The following NTM variants were observed in gnomAD, a reference collection of about 807,000 sequenced individuals.
NTM encodes the protein neurotrimin.
NTM carries 13 observed loss-of-function variants against 42.1 expected under a neutral mutation model. The ratio of observed to expected loss-of-function variants is 0.31; its 90% CI spans 0.20 to 0.49. The LOEUF is 0.49. Among genes scored for constraint, NTM ranks in the 20% least tolerant of loss-of-function variants. The probability of loss-of-function intolerance (pLI) is 0.99; values close to 1 mark genes in which losing one functional copy is unlikely to be tolerated. For synonymous variants in NTM, 187 were observed against 179.2 expected, an observed-to-expected ratio of 1.04 and a Z score of -0.35; for missense variants, 373 against 452.8, an observed-to-expected ratio of 0.82 and a Z score of 1.60.
At chr11:131,396,486 A>C (rs1011239166) in intron 1 of NTM, among the ~76,000 whole-genome samples, 1 of 152,158 alleles carries the variant, frequency 6.6e-6, no homozygotes, top group Non-Finnish European at 1.5e-5. Flanking sequence ...CCATAAAAGT[A>C]TATTTTGAAT....
chr11:131,423,696 G>A (rs1947763504), intron 1 of NTM, among the ~76,000 whole-genome samples: 1 of 152,198 alleles, frequency 6.6e-6, no homozygotes, highest in Admixed American at 6.5e-5. Context: ...GAGACCATGA[G>A]CGCTTTCTGA....
intron 2 of NTM, among the ~76,000 whole-genome samples, chr11:132,026,909 T>A (rs2075262953): frequency 6.6e-6 from 1 of 152,220 alleles, no homozygotes; most frequent in Non-Finnish European, 1.5e-5. Context: ...ATTGTTTCTA[T>A]CCTCATGTTC....
chr11:131,762,354 A>C (rs924454722), intron 1 of NTM, among the ~76,000 whole-genome samples: 1 of 152,238 alleles, frequency 6.6e-6, no homozygotes, highest in African/African-American at 2.4e-5. Flanking sequence ...GGGGCAAGAT[A>C]AAAAGGATCA....
chr11:131,567,945 GAATA>G (rs1456126869), intron 1 of NTM, among the ~76,000 whole-genome samples: 8 of 152,176 alleles, frequency 5.3e-5, no homozygotes, highest in Admixed American at 1.3e-4. Context: ...ATTACTTGCT[GAATA>G]AATAAATTCA....
At chr11:131,929,631 G>A (rs476378) in intron 2 of NTM, among the ~76,000 whole-genome samples, 43,734 of 151,978 alleles carry the variant, frequency 0.29, 6,897 homozygotes, top group East Asian at 0.45. Flanking sequence ...ATTGTTTTAA[G>A]CACTTAACTG....
At chr11:131,656,799 C>A (rs2067243356) in intron 1 of NTM, among the ~76,000 whole-genome samples, 1 of 152,150 alleles carries the variant, frequency 6.6e-6, no homozygotes, top group Admixed American at 6.5e-5. Flanking sequence ...CAGAGCTAGT[C>A]TAGGTCCAAG....
At chr11:131,711,428 G>C (rs1279512843) in intron 1 of NTM, among the ~76,000 whole-genome samples, 1 of 152,214 alleles carries the variant, frequency 6.6e-6, no homozygotes, top group Non-Finnish European at 1.5e-5. Context: ...AAACCACAAT[G>C]AGATACAATC....
intron 1 of NTM, among the ~76,000 whole-genome samples, chr11:131,832,191 A>G (rs1260809632): frequency 1.9e-4 from 4 of 21,172 alleles, no homozygotes; most frequent in Non-Finnish European, 3.6e-4. Flanking sequence ...TTAGAAGAGA[A>G]AAAAAAAAAA....
intron 1 of NTM, among the ~76,000 whole-genome samples, chr11:131,433,464 T>C (rs1217900897): frequency 1.3e-5 from 2 of 152,180 alleles, no homozygotes; most frequent in Non-Finnish European, 2.9e-5. Flanking sequence ...CAGGGCCTCA[T>C]GACTTTTTAT....
intron 1 of NTM, among the ~76,000 whole-genome samples, chr11:131,894,495 C>T (rs2051917499): frequency 2.0e-5 from 3 of 152,156 alleles, no homozygotes; most frequent in Admixed American, 2.0e-4. Flanking sequence ...TGCTTGGGGC[C>T]TGACAGACAT....
At chr11:131,373,391 G>C (rs1177658512) in intron 1 of NTM, among the ~76,000 whole-genome samples, 2 of 152,034 alleles carry the variant, frequency 1.3e-5, no homozygotes, top group Non-Finnish European at 2.9e-5. Context: ...CTCTTGAAAA[G>C]GTGTCTGGTG....
chr11:131,626,837 T>C (rs2137720870), intron 1 of NTM, among the ~76,000 whole-genome samples: 1 of 152,270 alleles, frequency 6.6e-6, no homozygotes, highest in Non-Finnish European at 1.5e-5. Flanking sequence ...AAAAACTAAC[T>C]AAATGAATGA....
chr11:132,019,496 T>C (rs188157687), intron 2 of NTM, among the ~76,000 whole-genome samples: 1 of 152,204 alleles, frequency 6.6e-6, no homozygotes, highest in Admixed American at 6.5e-5. Context: ...ATTGTGCTTT[T>C]AGGTATGCAT....
At chr11:131,879,888 A>T (rs939284757) in intron 1 of NTM, among the ~76,000 whole-genome samples, 3 of 152,162 alleles carry the variant, frequency 2.0e-5, no homozygotes, top group Non-Finnish European at 2.9e-5. Context: ...AGTTGAAATA[A>T]TTATCTGTTA....
At chr11:131,980,016 G>A (rs2065003462) in intron 2 of NTM, among the ~76,000 whole-genome samples, 1 of 152,148 alleles carries the variant, frequency 6.6e-6, no homozygotes, top group Admixed American at 6.6e-5. Context: ...GGTTCCAACT[G>A]CACCTTGTAG....
At chr11:131,639,723 C>T (rs923151918) in intron 1 of NTM, among the ~76,000 whole-genome samples, 9 of 151,990 alleles carry the variant, frequency 5.9e-5, no homozygotes, top group South Asian at 2.1e-4. Flanking sequence ...TTTGGGAGGC[C>T]GAGGCAGGCA....
intron 2 of NTM, among the ~76,000 whole-genome samples, chr11:131,936,692 CACAA>C (rs998423359): frequency 4.6e-5 from 7 of 152,134 alleles, no homozygotes; most frequent in Admixed American, 3.9e-4. Flanking sequence ...CACAAACACA[CACAA>C]ACAAAGGGAA....
chr11:132,111,063 C>CAAAAAAAAAAAAAAA (rs57458373), intron 2 of NTM, among the ~76,000 whole-genome samples: 2 of 35,440 alleles, frequency 5.6e-5, no homozygotes, highest in African/African-American at 1.2e-4. Flanking sequence ...GGCCCTATCT[C>CAAAAAAAAAAAAAAA]AAAAAAAAAA....
intron 2 of NTM, among the ~76,000 whole-genome samples, chr11:132,110,527 A>C (rs1288698375): frequency 1.3e-5 from 2 of 152,196 alleles, no homozygotes; most frequent in African/African-American, 4.8e-5. Context: ...TTTTGGCTGA[A>C]GGGCTTCACT....
Sources: allele counts gnomAD v4.1 joint callset (sites outside exome capture counted in the v4.1 genomes callset), GRCh38; gene constraint gnomAD v4.1.1; transcripts MANE v1.5; gene names NCBI Gene and HGNC (gene_info 2026-07-23, HGNC 2026-07-21).